The following DSG2 variants were observed in gnomAD, a reference collection of about 807,000 sequenced individuals.
The protein encoded by DSG2 is desmoglein-2.
Under a neutral mutation model 75.6 loss-of-function variants are expected in DSG2, and 45 were observed. The ratio of observed to expected loss-of-function variants is 0.60; its 90% confidence interval spans 0.47 to 0.76. The LOEUF is 0.76. Among genes scored for constraint, DSG2 ranks in the 30% least tolerant of loss-of-function variants. DSG2 has a pLI of 0.00. For missense variants in DSG2, 1,267 were observed against 1,357.4 expected, an observed-to-expected ratio of 0.93 and a Z score of 1.05; for synonymous variants, 429 against 483.9, an observed-to-expected ratio of 0.89 and a Z score of 1.49.
In DSG2 at chr18:31,524,094, C is replaced by T. The variant is rs1329111740; in HGVS notation, c.691-354C>T. Among the ~76,000 whole-genome samples, 8 of 152,296 alleles carry T rather than the reference C, an allele frequency of 5.3e-5. No homozygotes were observed. The East Asian group carries it at 1.5e-3, about 29-fold the overall frequency. Reference sequence around the variant, plus strand: ...CCAAGTTTATTTAGGACCAGCTTCTCCTCACTGAGAATGAAGTGCAGGACA... The same window carrying T: ...CCAAGTTTATTTAGGACCAGCTTCTTCTCACTGAGAATGAAGTGCAGGACA... On this transcript the variant is annotated intron_variant, in intron 6 of 14. Transcript: ENST00000261590.
Position 31,547,321 on chromosome 18 carries a change from G to T in DSG2, c.*578G>T. 5.2e-6 allele frequency: 1 copy of T among 193,688 alleles called. No homozygotes were observed. The highest frequency in any genetic ancestry group is 1.2e-4 in the East Asian group (1 of 8,150). 12.0% of individuals were successfully genotyped at this position (193,688 alleles called of 1,614,324 possible). A position where few individuals can be genotyped will look rare whatever the true frequency, so the allele number is the denominator to read the frequency against. On this transcript the variant is annotated 3_prime_UTR_variant, in exon 15 of 15. Transcript: ENST00000261590. ...ACCATTGATGATAAGAATACACATT[G>T]TATGTTTCTGTGCACATGACAGTGT...
intron 1 of DSG2, among the ~76,000 whole-genome samples, chr18:31,508,316 T>C (rs2073049328): frequency 6.6e-6 from 1 of 152,118 alleles, no homozygotes; most frequent in Non-Finnish European, 1.5e-5. Context: ...AAAAATCTTT[T>C]TGTGATGGGG....
intron 6 of DSG2, among the ~76,000 whole-genome samples, chr18:31,524,049 C>T (rs914975642): frequency 2.6e-5 from 4 of 152,194 alleles, no homozygotes; most frequent in African/African-American, 7.2e-5. Context: ...ACAAAGTTCA[C>T]CCAGTTTTGC....
intron 2 of DSG2, among the ~76,000 whole-genome samples, chr18:31,518,890 A>G (rs922927172): frequency 2.6e-5 from 4 of 152,210 alleles, no homozygotes; most frequent in African/African-American, 9.6e-5. Context: ...TCCCTTGGAT[A>G]AAATATATAT....
chr18:31,537,924 G>A (rs1001469154), intron 11 of DSG2, among the ~76,000 whole-genome samples: 8 of 152,004 alleles, frequency 5.3e-5, no homozygotes, highest in Non-Finnish European at 8.8e-5. Flanking sequence ...AACCTGGGAG[G>A]CAGAGGTTGC....
At position 31,546,127 on chromosome 18, in the gene DSG2, C is replaced by T. The variant is rs771214695; in HGVS notation, c.2741C>T (p.Ser914Phe). Residue 914 changes from serine to phenylalanine, a missense_variant, in exon 15 of 15, where the codon TCT becomes TTT. Transcript: ENST00000261590. ...QEIVTERSVS[S>F]RQAQKVATPL... ...ATAGTCACTGAAAGATCTGTGTCTT[C>T]TAGGCAGGCGCAAAAGGTAGCTACA... is the stretch of plus-strand genomic sequence containing the variant. 1 of 1,614,186 alleles carries T rather than the reference C, an allele frequency of 6.2e-7. No homozygotes were observed. Among genetic ancestry groups the T allele is most frequent in the Non-Finnish European group, 8.5e-7 (1 of 1,180,040 alleles).
rs1031191004 is a variant in DSG2, at chr18:31,524,333, A to G, written c.691-115A>G. On this transcript the variant is annotated intron_variant, in intron 6 of 14. Transcript: ENST00000261590. ...TTCACACAAATAATAGCAGATCATA[A>G]AACAGATTTGTAAATAAAATATACT... The G allele has an allele frequency of 2.1e-5, 29 of 1,414,258 alleles. No homozygotes were observed. The African/African-American group carries it at 3.6e-4, about 17-fold the overall frequency. The allele number at this position is 1,414,258 out of a possible 1,614,324, so 87.6% of individuals were successfully genotyped here.
chr18:31,503,273 G>A (rs1424098203), intron 1 of DSG2, among the ~76,000 whole-genome samples: 1 of 152,182 alleles, frequency 6.6e-6, no homozygotes, highest in East Asian at 1.9e-4. Context: ...TAATAATAGA[G>A]AAACGTAGTA....
chr18:31,509,709 A>G (rs1386544224), intron 1 of DSG2, among the ~76,000 whole-genome samples: 1 of 152,236 alleles, frequency 6.6e-6, no homozygotes, highest in Non-Finnish European at 1.5e-5. Context: ...AGAGCAGATC[A>G]CCAAACTCAC....
chr18:31,531,611 A>T (rs1421313420), intron 9 of DSG2, among the ~76,000 whole-genome samples: 1 of 152,264 alleles, frequency 6.6e-6, no homozygotes, highest in East Asian at 1.9e-4. Context: ...GTAGCAGATA[A>T]CATCCACAAG....
Position 31,521,204 on chromosome 18 carries a change from G to A in DSG2, c.484G>A (p.Asp162Asn), listed in dbSNP as rs1028593181. 1.2e-6 allele frequency: 2 copies of A among 1,613,344 alleles called. No homozygotes were observed. The highest frequency in any genetic ancestry group is 8.5e-7 in the Non-Finnish European group (1 of 1,179,862). The change falls in exon 5 of 15, where the codon GAT (aspartate) becomes AAT (asparagine). Residue 162 changes from aspartate to asparagine, a missense_variant. Asp to Asn is a conservative substitution (Grantham distance 23). Transcript: ENST00000261590. ...TGACAACGAACCAGTGTTCACACAG[G>A]ATGTCTTTGTTGGGTCTGTTGAAGA... ...INDNEPVFTQDVFVGSVEELS... is the reference protein window; with the variant it reads ...INDNEPVFTQNVFVGSVEELS...
At chr18:31,522,390 T>C (rs1310972531) in intron 6 of DSG2, 141 bp downstream of exon 6, 1 of 847,858 alleles carries the variant, frequency 1.2e-6, no homozygotes, top group Non-Finnish European at 1.8e-6. Context: ...CTTTTAGGGA[T>C]GTGCTGTCCA....
At chr18:31,543,639 G>A (rs1296222922) in intron 14 of DSG2, among the ~76,000 whole-genome samples, 1 of 152,186 alleles carries the variant, frequency 6.6e-6, no homozygotes, top group Non-Finnish European at 1.5e-5. Context: ...GTCAAGGCAG[G>A]CAGATCACTT....
intron 12 of DSG2, among the ~76,000 whole-genome samples, chr18:31,540,696 A>G (rs548975230): frequency 1.3e-5 from 2 of 152,332 alleles, no homozygotes; most frequent in African/African-American, 2.4e-5. Context: ...ATTCTTTACT[A>G]CATTGATCAA....
In DSG2 at chr18:31,535,428, G is replaced by C; in HGVS notation, c.1423+16G>C. On this transcript the variant is annotated intron_variant, in intron 10 of 14. Coordinates refer to ENST00000261590, the MANE Select transcript of DSG2 (RefSeq NM_001943.5). ...ATATCAGAAGGTAAGTTATTAAATAGATCTTTTTCTTGATTATATGTATTT... is the reference window on the plus strand; with the variant it reads ...ATATCAGAAGGTAAGTTATTAAATACATCTTTTTCTTGATTATATGTATTT... 6.3e-7 allele frequency: 1 copy of C among 1,579,554 alleles called. No homozygotes were observed. The highest frequency in any genetic ancestry group is 1.1e-5 in the South Asian group (1 of 89,682).
intron 3 of DSG2, 144 bp downstream of exon 3, chr18:31,520,081 C>T: frequency 9.0e-7 from 1 of 1,107,898 alleles, no homozygotes; most frequent in Non-Finnish European, 1.3e-6. Context: ...TGAAAATTAG[C>T]AGAGCTTACT....
In DSG2 at chr18:31,547,214, T is replaced by C. The variant is rs1567935574; in HGVS notation, c.*471T>C. On this transcript the variant is annotated 3_prime_UTR_variant, in exon 15 of 15. Coordinates refer to ENST00000261590, the MANE Select transcript of DSG2 (RefSeq NM_001943.5). ...AACAACTCATTGATCCAAAGATACA[T>C]GCACAGTCTGAGCACCAGCTATGGT... The C allele has an allele frequency of 3.9e-6, 1 of 256,432 alleles. No individual in the cohort carries two copies. The highest frequency in any genetic ancestry group is 2.2e-5 in the African/African-American group (1 of 44,792). The allele number at this position is 256,432 out of a possible 1,614,324, so 15.9% of individuals were successfully genotyped here.
intron 1 of DSG2, among the ~76,000 whole-genome samples, chr18:31,499,070 T>A (rs1042760385): frequency 1.3e-5 from 2 of 152,138 alleles, no homozygotes; most frequent in African/African-American, 4.8e-5. Flanking sequence ...CAAATTGGAT[T>A]TTAAACTGTT....
chr18:31,538,475 G>GTA (rs937467756), intron 11 of DSG2, among the ~76,000 whole-genome samples: 1 of 152,134 alleles, frequency 6.6e-6, no homozygotes, highest in Non-Finnish European at 1.5e-5. Flanking sequence ...TATTCCCAGT[G>GTA]TATAGAACAG....
Sources: allele counts gnomAD v4.1 joint callset (sites outside exome capture counted in the v4.1 genomes callset), GRCh38; gene constraint gnomAD v4.1.1; transcripts MANE v1.5; gene names NCBI Gene and HGNC (gene_info 2026-07-23, HGNC 2026-07-21).